Variants in ERCC6L2 observed in about 807,000 individuals in gnomAD.
ERCC6L2 encodes DNA excision repair protein ERCC-6-like 2.
In ERCC6L2, 77 loss-of-function variants were observed where a neutral mutation model predicts 132.0. The ratio of observed to expected loss-of-function variants is 0.58; its 90% CI spans 0.49 to 0.71. The LOEUF (loss-of-function observed/expected upper bound fraction) is 0.71. ERCC6L2 is among the 30% of genes least tolerant of loss of function. The pLI is 0.00. For synonymous variants in ERCC6L2, 583 were observed against 632.4 expected (o/e 0.92, Z 1.17); for missense variants, 1,542 against 1,837.6 (o/e 0.84, Z 2.94).
intron 4 of ERCC6L2, 71 bp from the exon 5 acceptor site, chr9:95,915,597 A>G (rs775966130): frequency 9.9e-6 from 14 of 1,419,924 alleles, no homozygotes; most frequent in Non-Finnish European, 1.3e-5. Context: ...AGAGAAAGCT[A>G]CTGTCTAAAA....
In ERCC6L2 at chr9:96,015,631, TAAA is replaced by T. The variant is rs371476454; in HGVS notation, c.*2440_*2442del. ...TAACGCGGTGAAACCCCGTCTCTAC[TAAA>T]AAAAAAAAAAATACAAAAATTAGCC... On this transcript the variant is annotated 3_prime_UTR_variant, in exon 19 of 19. Transcript: ENST00000653738. 2.1e-5 allele frequency among the ~76,000 whole-genome samples: 3 copies of T among 142,916 alleles called. No homozygotes were observed. The highest frequency in any genetic ancestry group is 5.1e-5 in the African/African-American group (2 of 39,342). The allele number at this position is 142,916 out of a possible 152,430, so 93.8% of individuals were successfully genotyped here.
chr9:95,964,678 T>TA (rs1179678637), intron 13 of ERCC6L2, among the ~76,000 whole-genome samples: 2 of 152,180 alleles, frequency 1.3e-5, no homozygotes, highest in Non-Finnish European at 2.9e-5. Flanking sequence ...TGTCTATTGT[T>TA]ATGATGAGAT....
At chr9:95,923,507 G>T in intron 9 of ERCC6L2, 128 bp downstream of exon 9, 1 of 1,069,992 alleles carries the variant, frequency 9.3e-7, no homozygotes, top group Non-Finnish European at 1.3e-6. Flanking sequence ...CTATGGACAA[G>T]TGGTGCAATT....
intron 17 of ERCC6L2, among the ~76,000 whole-genome samples, chr9:95,991,244 C>G (rs541171244): frequency 1.2e-4 from 18 of 152,130 alleles, no homozygotes; most frequent in Middle Eastern, 3.4e-3. Context: ...AGATGGGAGC[C>G]CAGCTCTTCT....
At chr9:95,881,963 C>T (rs1564190673) in intron 2 of ERCC6L2, among the ~76,000 whole-genome samples, 1 of 152,204 alleles carries the variant, frequency 6.6e-6, no homozygotes, top group Non-Finnish European at 1.5e-5. Flanking sequence ...TGTAGCTTTG[C>T]CTCTCACAGG....
chr9:96,026,852 A>C (rs1834377407), intron 19 of ERCC6L2, among the ~76,000 whole-genome samples: 2 of 136,752 alleles, frequency 1.5e-5, no homozygotes, highest in Non-Finnish European at 1.6e-5. Flanking sequence ...GCCCCACACC[A>C]CACAAACACA....
Position 96,017,585 on chromosome 9 carries a change from G to C in ERCC6L2, c.*4382G>C, listed in dbSNP as rs1257016516. 1.3e-5 allele frequency among the ~76,000 whole-genome samples: 2 copies of C among 152,206 alleles called. No individual in the cohort carries two copies. Among genetic ancestry groups the C allele is most frequent in the African/African-American group, 2.4e-5 (1 of 41,438 alleles). On this transcript the variant is annotated 3_prime_UTR_variant, in exon 19 of 19. Transcript: ENST00000653738. Reference sequence around the variant, plus strand: ...GTTTTTGCAGTTTCACAGGAATTCTGATGTGCCAGTGATTGTCAGGTTTGT... The same window carrying C: ...GTTTTTGCAGTTTCACAGGAATTCTCATGTGCCAGTGATTGTCAGGTTTGT...
At chr9:95,989,677 C>T (rs900655253) in intron 17 of ERCC6L2, among the ~76,000 whole-genome samples, 1 of 152,114 alleles carries the variant, frequency 6.6e-6, no homozygotes, top group Non-Finnish European at 1.5e-5. Flanking sequence ...AAGAGAACCT[C>T]TAGTTTCATT....
In ERCC6L2 at chr9:95,876,051, G is replaced by C. The variant is rs1220583916; in HGVS notation, c.13G>C (p.Ala5Pro). The C allele has an allele frequency of 1.3e-6, 2 of 1,587,952 alleles. No individual in the cohort carries two copies. Among genetic ancestry groups the C allele is most frequent in the Non-Finnish European group, 1.7e-6 (2 of 1,168,056 alleles). Residue 5 changes from alanine to proline, a missense_variant, in exon 1 of 19, where the codon GCG becomes CCG. Transcript: ENST00000653738. Reference sequence around the variant, plus strand: ...TCCCCCTGGCCGGATGGATCCGTCGGCGCCACAGCCCCGCGCGGAAACCTC... The same window carrying C: ...TCCCCCTGGCCGGATGGATCCGTCGCCGCCACAGCCCCGCGCGGAAACCTC... MDPS[A>P]PQPRAETSGK...
chr9:96,021,590 C>A (rs1424741479), downstream of ERCC6L2: 2 of 157,156 alleles, frequency 1.3e-5, no homozygotes, highest in African/African-American at 4.8e-5. This position sits in a 1 kb window ranked among gnomAD's most constrained non-coding sequence, Gnocchi z 4.7. Flanking sequence ...CTCACCCCCG[C>A]GCGAAGACGA....
intron 17 of ERCC6L2, among the ~76,000 whole-genome samples, chr9:95,981,885 G>C (rs1447518664): frequency 1.3e-5 from 2 of 152,144 alleles, no homozygotes; most frequent in Non-Finnish European, 2.9e-5. Flanking sequence ...CTGAGATGTG[G>C]TGACTGAAGG....
intron 6 of ERCC6L2, among the ~76,000 whole-genome samples, chr9:95,919,418 G>A (rs1829755959): frequency 6.6e-6 from 1 of 152,116 alleles, no homozygotes; most frequent in Admixed American, 6.5e-5. Context: ...ACCTTTTAAA[G>A]TTATTTTGAT....
Position 96,004,533 on chromosome 9 carries a change from A to C in ERCC6L2, c.3506A>C (p.Lys1169Thr), listed in dbSNP as rs1360927308. ...TCTTTTTTTCAGACATATAAAGAAA[A>C]AGTGGATGCAGATACATTGCCACAC... is the stretch of plus-strand genomic sequence containing the variant. Reference protein sequence around the residue: ...AVCSSKTYKEKVDADTLPHTK... With the variant: ...AVCSSKTYKETVDADTLPHTK... Residue 1169 changes from lysine to threonine, a missense_variant, in exon 18 of 19, where the codon AAA becomes ACA. Coordinates refer to ENST00000653738, the MANE Select transcript of ERCC6L2 (RefSeq NM_020207.7). 1.5e-6 allele frequency: 2 copies of C among 1,303,254 alleles called. No individual in the cohort carries two copies. The highest frequency in any genetic ancestry group is 1.1e-4 in the East Asian group (2 of 18,170). 80.7% of individuals were successfully genotyped at this position (1,303,254 alleles called of 1,614,324 possible).
At chr9:95,959,750 G>A (rs1394203262) in intron 13 of ERCC6L2, among the ~76,000 whole-genome samples, 1 of 150,656 alleles carries the variant, frequency 6.6e-6, no homozygotes, top group Admixed American at 6.6e-5. Flanking sequence ...AAAAAATTAT[G>A]TTCTTAAAAA....
intron 2 of ERCC6L2, among the ~76,000 whole-genome samples, chr9:95,894,584 CTTTTTT>C (rs1218474585): frequency 1.2e-5 from 1 of 83,484 alleles, no homozygotes; most frequent in Non-Finnish European, 2.2e-5. Flanking sequence ...ATATGTCAGC[CTTTTTT>C]TTTTTTTTTT....
At chr9:95,959,701 C>T (rs966139039) in intron 13 of ERCC6L2, among the ~76,000 whole-genome samples, 4 of 151,280 alleles carry the variant, frequency 2.6e-5, no homozygotes, top group Non-Finnish European at 4.4e-5. Flanking sequence ...ACAACCCCAT[C>T]AAAAAGTGGG....
chr9:95,899,600 A>ATGTG (rs56991965), intron 3 of ERCC6L2, among the ~76,000 whole-genome samples: 2,885 of 134,840 alleles, frequency 0.021, 71 homozygotes, highest in East Asian at 0.079. Flanking sequence ...TTATATATAT[A>ATGTG]TGTGTGTGTG....
At chr9:95,906,817 G>A (rs1829061803) in intron 3 of ERCC6L2, 1 of 510,384 alleles carries the variant, frequency 2.0e-6, no homozygotes, top group African/African-American at 1.9e-5. Flanking sequence ...GTGCCTTTTT[G>A]GTAGGGGGAA....
At chr9:96,028,064 G>C (rs1339011948) in intron 19 of ERCC6L2, 1 of 152,172 alleles carries the variant, frequency 6.6e-6, no homozygotes, top group African/African-American at 2.4e-5. Context: ...CCCTGGGAAC[G>C]GATGCGACAG....
Sources: allele counts gnomAD v4.1 joint callset (sites outside exome capture counted in the v4.1 genomes callset), GRCh38; gene constraint gnomAD v4.1.1; non-coding constraint Gnocchi (gnomAD v3.1); transcripts MANE v1.5; gene names NCBI Gene and HGNC (gene_info 2026-07-23, HGNC 2026-07-21).